MCUB: variants seen among roughly 807,000 people sequenced by gnomAD.
MCUB encodes mitochondrial calcium uniporter dominant negative subunit beta.
A neutral mutation model predicts 41.4 loss-of-function variants in MCUB; 46 were observed. That is an observed-to-expected ratio of 1.11 (90% CI 0.88 to 1.42). The LOEUF (loss-of-function observed/expected upper bound fraction) is 1.42. MCUB is among the 40% of genes most tolerant of loss of function. The pLI, the probability that MCUB is intolerant of heterozygous loss-of-function variation, is 0.00. For synonymous variants in MCUB, 148 were observed against 148.2 expected, an observed-to-expected ratio of 1.00 and a Z score of 0.01; for missense variants, 403 against 404.9, an observed-to-expected ratio of 1.00 and a Z score of 0.04.
At chr4:109,656,081 G>C (rs1273352225) in intron 1 of MCUB, among the ~76,000 whole-genome samples, 1 of 152,046 alleles carries the variant, frequency 6.6e-6, no homozygotes, top group African/African-American at 2.4e-5. Flanking sequence ...TAGTACACCT[G>C]CAACTTTATC....
At chr4:109,647,584 A>G (rs1561239738) in intron 1 of MCUB, among the ~76,000 whole-genome samples, 1 of 152,230 alleles carries the variant, frequency 6.6e-6, no homozygotes, top group Non-Finnish European at 1.5e-5. Context: ...TCATTCATCT[A>G]CTAAGAAGAA....
At chr4:109,591,316 G>T (rs1727432539) in intron 1 of MCUB, among the ~76,000 whole-genome samples, 1 of 152,016 alleles carries the variant, frequency 6.6e-6, no homozygotes, top group Non-Finnish European at 1.5e-5. Context: ...CTCCCGAGTA[G>T]CTGGGACTAC....
At chr4:109,560,633 CAA>C (rs1344144214) in intron 1 of MCUB, among the ~76,000 whole-genome samples, 197 bp downstream of exon 1, 11 of 152,288 alleles carry the variant, frequency 7.2e-5, no homozygotes, top group African/African-American at 2.4e-4. Flanking sequence ...GGGCTGAGGT[CAA>C]GACTCCGGGC....
chr4:109,610,111 A>C (rs1010055599), intron 1 of MCUB, among the ~76,000 whole-genome samples: 1 of 152,170 alleles, frequency 6.6e-6, no homozygotes, highest in Non-Finnish European at 1.5e-5. Context: ...CTTAAGGCCC[A>C]AGGGTCTTCG....
chr4:109,569,367 T>C (rs950823914), intron 1 of MCUB, among the ~76,000 whole-genome samples: 3 of 152,132 alleles, frequency 2.0e-5, no homozygotes, highest in Non-Finnish European at 4.4e-5. Context: ...TCTTAAATCA[T>C]ATTTTGATTA....
chr4:109,625,358 G>C (rs893927397), intron 1 of MCUB, among the ~76,000 whole-genome samples: 2 of 152,106 alleles, frequency 1.3e-5, no homozygotes, highest in African/African-American at 2.4e-5. Context: ...TTCAGGCCCA[G>C]TATGCATTCA....
intron 1 of MCUB, among the ~76,000 whole-genome samples, chr4:109,573,431 C>A (rs553173205): frequency 1.3e-4 from 19 of 145,898 alleles, no homozygotes; most frequent in Non-Finnish European, 2.4e-4. Context: ...CCAGCCTGAG[C>A]GACAGAGTGA....
chr4:109,684,415 G>A, intron 5 of MCUB, 28 bp from the exon 6 acceptor site: 2 of 1,565,506 alleles, frequency 1.3e-6, no homozygotes, highest in South Asian at 1.2e-5. Flanking sequence ...TTTGTAAACA[G>A]AATTAACAGT....
rs561014981 is a variant in MCUB, at chr4:109,578,672, C to CT, written c.99+18243dup. Among the ~76,000 whole-genome samples the CT allele has an allele frequency of 1.6e-4, 25 of 152,152 alleles. No homozygotes were observed. The South Asian group carries it at 4.6e-3, about 28-fold the overall frequency. The stretch of plus-strand genomic sequence containing the variant: ...GCACCACCATGCCTGGCCAATTTTT[C>CT]TTTTTTTAAATTTTTTGTAGAGACA... On this transcript the variant is annotated intron_variant, in intron 1 of 7. Transcript: ENST00000394650.
chr4:109,605,811 C>G (rs1322982734), intron 1 of MCUB, among the ~76,000 whole-genome samples: 3 of 152,006 alleles, frequency 2.0e-5, no homozygotes, highest in Non-Finnish European at 2.9e-5. Context: ...TAGTTTTTGT[C>G]TTGAAATCCA....
intron 1 of MCUB, among the ~76,000 whole-genome samples, chr4:109,627,861 T>C (rs1728394908): frequency 6.7e-6 from 1 of 149,712 alleles, no homozygotes; most frequent in Non-Finnish European, 1.5e-5. Context: ...TGCAGTGAGC[T>C]GAGATCAGGC....
At chr4:109,614,405 G>A (rs1728082261) in intron 1 of MCUB, among the ~76,000 whole-genome samples, 1 of 151,956 alleles carries the variant, frequency 6.6e-6, no homozygotes, top group South Asian at 2.1e-4. Flanking sequence ...TGAGGATAGA[G>A]CTCTCATGGT....
intron 1 of MCUB, among the ~76,000 whole-genome samples, chr4:109,592,409 C>CAA (rs1049292419): frequency 7.8e-6 from 1 of 128,106 alleles, no homozygotes; most frequent in Admixed American, 7.9e-5. Flanking sequence ...GACTCTGTCT[C>CAA]AAAAAAAAAA....
intron 1 of MCUB, among the ~76,000 whole-genome samples, chr4:109,627,169 A>G (rs550451046): frequency 6.6e-6 from 1 of 152,274 alleles, no homozygotes; most frequent in Admixed American, 6.5e-5. Flanking sequence ...ATATTTTCAG[A>G]AATTTCCTCA....
chr4:109,660,583 G>A (rs538785692), intron 3 of MCUB, among the ~76,000 whole-genome samples: 17 of 152,184 alleles, frequency 1.1e-4, no homozygotes, highest in South Asian at 2.1e-4. Flanking sequence ...TTGGGAGGCC[G>A]AGTCAGGCGG....
At chr4:109,603,736 C>T (rs979975350) in intron 1 of MCUB, among the ~76,000 whole-genome samples, 4 of 151,136 alleles carry the variant, frequency 2.6e-5, no homozygotes, top group Non-Finnish European at 5.9e-5. Flanking sequence ...GTGAGGAGCC[C>T]CTCCGCCCGG....
chr4:109,600,943 C>A (rs1561223210), intron 1 of MCUB, among the ~76,000 whole-genome samples: 1 of 152,010 alleles, frequency 6.6e-6, no homozygotes, highest in Non-Finnish European at 1.5e-5. Context: ...TACAAGTGCC[C>A]ACCACCAAGC....
intron 1 of MCUB, among the ~76,000 whole-genome samples, chr4:109,579,036 T>C (rs1459647433): frequency 2.0e-5 from 3 of 152,248 alleles, no homozygotes; most frequent in African/African-American, 7.2e-5. Flanking sequence ...TTGCTTCCGC[T>C]GCCTTCATTG....
chr4:109,602,747 G>A (rs903192464), intron 1 of MCUB, among the ~76,000 whole-genome samples: 1 of 152,204 alleles, frequency 6.6e-6, no homozygotes, highest in Non-Finnish European at 1.5e-5. Context: ...TGTGAAGAAT[G>A]TCATTGGCAT....
Sources: allele counts gnomAD v4.1 joint callset (sites outside exome capture counted in the v4.1 genomes callset), GRCh38; gene constraint gnomAD v4.1.1; transcripts MANE v1.5; gene names NCBI Gene and HGNC (gene_info 2026-07-23, HGNC 2026-07-21).